ARFIP1: variants seen among roughly 807,000 people sequenced by gnomAD.
ARFIP1 encodes the protein ARF interacting protein 1, also known as arfaptin-1.
Under a neutral mutation model 42.5 loss-of-function variants are expected in ARFIP1, and 24 were observed. The ratio of observed to expected loss-of-function variants is 0.57; its 90% CI spans 0.41 to 0.80. The LOEUF (loss-of-function observed/expected upper bound fraction) is 0.80, where lower values mean the gene tolerates loss of function less well. ARFIP1 is among the 30% of genes least tolerant of loss of function. ARFIP1 has a pLI of 0.00. For missense variants in ARFIP1, 354 were observed against 434.0 expected, an observed-to-expected ratio of 0.82 and a Z score of 1.64; for synonymous variants, 141 against 153.7, an observed-to-expected ratio of 0.92 and a Z score of 0.61.
intron 8 of ARFIP1, among the ~76,000 whole-genome samples, chr4:152,905,679 A>G (rs1292367872): frequency 1.3e-5 from 2 of 148,560 alleles, no homozygotes; most frequent in African/African-American, 5.0e-5. Context: ...CAGCCTCCCA[A>G]GTAGCTGGGA....
intron 8 of ARFIP1, among the ~76,000 whole-genome samples, chr4:152,899,933 A>C (rs1737679545): frequency 6.6e-6 from 1 of 152,226 alleles, no homozygotes; most frequent in African/African-American, 2.4e-5. Flanking sequence ...AAAGTCTCAC[A>C]GCCAGACTGG....
intron 1 of ARFIP1, among the ~76,000 whole-genome samples, chr4:152,788,366 T>C (rs1288555266): frequency 6.6e-6 from 1 of 152,062 alleles, no homozygotes; most frequent in East Asian, 1.9e-4. Context: ...AGAATAGAGC[T>C]TCCCATACCC....
intron 1 of ARFIP1, among the ~76,000 whole-genome samples, chr4:152,812,066 G>A (rs1052429738): frequency 6.6e-6 from 1 of 152,102 alleles, no homozygotes; most frequent in African/African-American, 2.4e-5. Flanking sequence ...TCAGAACATC[G>A]GTTTTTTATT....
intron 5 of ARFIP1, among the ~76,000 whole-genome samples, chr4:152,874,612 A>G (rs1289416507): frequency 6.6e-6 from 1 of 152,180 alleles, no homozygotes; most frequent in African/African-American, 2.4e-5. Context: ...ATAATGCTTC[A>G]AATACTGATT....
At chr4:152,859,254 G>T (rs1183957963) in intron 2 of ARFIP1, among the ~76,000 whole-genome samples, 1 of 152,116 alleles carries the variant, frequency 6.6e-6, no homozygotes, top group Non-Finnish European at 1.5e-5. Context: ...TAGAGTTGGG[G>T]TTTTGCCATG....
intron 2 of ARFIP1, among the ~76,000 whole-genome samples, chr4:152,859,825 T>A (rs958600661): frequency 1.3e-5 from 2 of 150,842 alleles, no homozygotes; most frequent in Non-Finnish European, 2.9e-5. Context: ...CTCCGACTTG[T>A]AAATTCTATC....
chr4:152,817,195 T>TTATTATTATTA (rs1323715746), intron 1 of ARFIP1, among the ~76,000 whole-genome samples: 10 of 152,330 alleles, frequency 6.6e-5, no homozygotes, highest in African/African-American at 9.6e-5. Flanking sequence ...GAGAGCTGGA[T>TTATTATTATTA]CTTAGTCTTC....
intron 1 of ARFIP1, among the ~76,000 whole-genome samples, chr4:152,797,324 CT>C (rs1428616034): frequency 3.2e-4 from 48 of 152,226 alleles, no homozygotes; most frequent in African/African-American, 1.1e-3. Context: ...TTCCACTGGC[CT>C]ATTTATGTGC....
At chr4:152,871,772 T>C (rs959067247) in intron 4 of ARFIP1, among the ~76,000 whole-genome samples, 1 of 152,182 alleles carries the variant, frequency 6.6e-6, no homozygotes, top group Non-Finnish European at 1.5e-5. Context: ...TCAAAAATTC[T>C]TAATTGTTGG....
At chr4:152,873,915 A>C (rs7677801) in intron 5 of ARFIP1, among the ~76,000 whole-genome samples, 3 of 152,188 alleles carry the variant, frequency 2.0e-5, no homozygotes, top group Admixed American at 2.0e-4. Context: ...CAAGTGATTC[A>C]TACCAAATTT....
chr4:152,881,677 C>T (rs1356558352), intron 6 of ARFIP1, among the ~76,000 whole-genome samples: 1 of 152,086 alleles, frequency 6.6e-6, no homozygotes, highest in Non-Finnish European at 1.5e-5. Flanking sequence ...GGTCCTTTAT[C>T]TGCCAATATT....
At chr4:152,795,675 T>G (rs927421842) in intron 1 of ARFIP1, among the ~76,000 whole-genome samples, 2 of 152,154 alleles carry the variant, frequency 1.3e-5, no homozygotes, top group African/African-American at 2.4e-5. Flanking sequence ...CCTGTTTCCC[T>G]TACATCCTCA....
chr4:152,812,599 T>C (rs1228281855), intron 1 of ARFIP1, among the ~76,000 whole-genome samples: 3 of 152,234 alleles, frequency 2.0e-5, no homozygotes, highest in Admixed American at 6.5e-5. Flanking sequence ...GGTTTATGTT[T>C]TCAGCCTGGA....
intron 8 of ARFIP1, among the ~76,000 whole-genome samples, chr4:152,896,736 A>G: frequency 6.6e-6 from 1 of 152,190 alleles, no homozygotes; most frequent in Admixed American, 6.5e-5. Context: ...AAAGATAGGA[A>G]AATTAAGTTA....
Position 152,888,183 on chromosome 4 carries a change from C to G in ARFIP1, c.842C>G (p.Pro281Arg). The G allele has an allele frequency of 6.2e-7, 1 of 1,611,524 alleles. No individual in the cohort carries two copies. Among genetic ancestry groups the G allele is most frequent in the Non-Finnish European group, 8.5e-7 (1 of 1,178,890 alleles). Residue 281 changes from proline (P) to arginine (R), a missense_variant, in exon 8 of 9, where the codon CCA becomes CGA. By Grantham distance (103) the Pro-to-Arg change is moderately radical. Coordinates refer to ENST00000353617, the MANE Select transcript of ARFIP1 (RefSeq NM_001025595.3). ...RTDLEELNLG[P>R]RDANTLPKIE... is the part of the protein sequence containing the mutation. ...GATTTGGAAGAACTGAATCTTGGAC[C>G]ACGTGACGCAAACACTCTGCCAAAG...
chr4:152,808,262 G>T (rs867153742), intron 1 of ARFIP1, among the ~76,000 whole-genome samples: 1 of 116,102 alleles, frequency 8.6e-6, no homozygotes, highest in Non-Finnish European at 1.8e-5. Context: ...TTACAGGTGT[G>T]AGCCACCACG....
intron 1 of ARFIP1, among the ~76,000 whole-genome samples, chr4:152,781,241 T>C (rs555928447): frequency 1.1e-4 from 16 of 145,974 alleles, no homozygotes; most frequent in Non-Finnish European, 1.8e-4. Flanking sequence ...TTTCTTTTTT[T>C]TTTTTTTTTT....
chr4:152,868,877 G>A (rs1490949945), intron 3 of ARFIP1, among the ~76,000 whole-genome samples: 1 of 152,148 alleles, frequency 6.6e-6, no homozygotes, highest in Non-Finnish European at 1.5e-5. Flanking sequence ...TTTAATAATG[G>A]AGATATTATG....
At chr4:152,872,381 T>C (rs1734962374) in intron 4 of ARFIP1, 71 bp from the exon 5 acceptor site, 1 of 988,390 alleles carries the variant, frequency 1.0e-6, no homozygotes, top group Non-Finnish European at 1.5e-6. Flanking sequence ...ATTTGAACAA[T>C]ATCAGGGTTT....
Sources: gnomAD v4.1 joint callset for allele counts (sites outside exome capture counted in the v4.1 genomes callset) on GRCh38, gnomAD v4.1.1 for gene constraint, MANE v1.5 for transcripts, NCBI Gene and HGNC (gene_info 2026-07-23, HGNC 2026-07-21) for gene names.